Variants in RELN observed in about 807,000 individuals in gnomAD.
RELN encodes reelin.
A neutral mutation model predicts 427.6 loss-of-function variants in RELN; 108 were observed. The observed-to-expected ratio is 0.25, with a 90% confidence interval of 0.22 to 0.30. The LOEUF (loss-of-function observed/expected upper bound fraction) is 0.30, where lower values mean the gene tolerates loss of function less well. Ranked by LOEUF, RELN falls within the 10% of genes least tolerant of loss-of-function variation. RELN has a pLI of 1.00. For synonymous variants in RELN, 1,524 were observed against 1,513.4 expected, an observed-to-expected ratio of 1.01 and a Z score of -0.16; for missense variants, 3,715 against 4,302.8, an observed-to-expected ratio of 0.86 and a Z score of 3.82.
At chr7:103,520,973 T>TA (rs1455301256) in intron 48 of RELN, among the ~76,000 whole-genome samples, 1 of 132,726 alleles carries the variant, frequency 7.5e-6, no homozygotes, top group African/African-American at 2.8e-5. Context: ...TTTTTTTTTT[T>TA]TTTTTTTTTT....
At chr7:103,927,660 CT>C (rs1199408316) in intron 1 of RELN, among the ~76,000 whole-genome samples, 1 of 152,016 alleles carries the variant, frequency 6.6e-6, no homozygotes, top group Non-Finnish European at 1.5e-5. Context: ...AAATGCTGTA[CT>C]TTTTATTTTA....
chr7:103,517,413 C>G (rs1829594006), intron 49 of RELN, among the ~76,000 whole-genome samples: 1 of 152,118 alleles, frequency 6.6e-6, no homozygotes, highest in African/African-American at 2.4e-5. Flanking sequence ...TGGAAATTTA[C>G]CTAAGGCTAC....
chr7:103,518,770 AT>A (rs35224913), intron 49 of RELN, among the ~76,000 whole-genome samples: 25,372 of 151,212 alleles, frequency 0.17, 2,575 homozygotes, highest in East Asian at 0.51. Context: ...TGAATATGCT[AT>A]TTTCCTTCTT....
intron 50 of RELN, chr7:103,513,450 T>G (rs1485387730): frequency 6.6e-6 from 1 of 152,204 alleles, no homozygotes; most frequent in Non-Finnish European, 1.5e-5. Context: ...CTCACTTATG[T>G]AAACCATTAT....
chr7:103,743,465 G>A (rs564204306), intron 6 of RELN, among the ~76,000 whole-genome samples: 35 of 152,104 alleles, frequency 2.3e-4, no homozygotes, highest in Non-Finnish European at 4.6e-4. Context: ...GACACAGACT[G>A]GCAAATTGGA....
chr7:103,692,007 A>G (rs549839324), intron 10 of RELN, among the ~76,000 whole-genome samples: 178 of 152,260 alleles, frequency 1.2e-3, no homozygotes, highest in African/African-American at 4.2e-3. Flanking sequence ...CATGGCTAAC[A>G]AATGGTTAAG....
At chr7:103,539,401 T>G (rs1830127036) in intron 44 of RELN, 74 bp from the exon 45 acceptor site, 1 of 1,417,826 alleles carries the variant, frequency 7.1e-7, no homozygotes, top group African/African-American at 1.4e-5. Context: ...CTTTTTCGTT[T>G]GTTTGTTTGT....
intron 32 of RELN, 88 bp from the exon 33 acceptor site, chr7:103,566,500 T>C (rs1830755160): frequency 1.9e-6 from 3 of 1,593,778 alleles, no homozygotes; most frequent in Non-Finnish European, 2.6e-6. Flanking sequence ...AATCAAATTG[T>C]CTAGAAATTG....
At chr7:103,839,853 T>C (rs1793509356) in intron 2 of RELN, among the ~76,000 whole-genome samples, 1 of 152,218 alleles carries the variant, frequency 6.6e-6, no homozygotes, top group Non-Finnish European at 1.5e-5. Context: ...TTTGATACTA[T>C]GTCCCCACCC....
intron 13 of RELN, 45 bp from the exon 14 acceptor site, chr7:103,652,804 C>A (rs1236008614): frequency 6.4e-7 from 1 of 1,562,826 alleles, no homozygotes; most frequent in South Asian, 1.1e-5. Flanking sequence ...CCTTTCTAGG[C>A]TAGTCCATGT....
chr7:103,496,942 G>A (rs1828859557), intron 55 of RELN, among the ~76,000 whole-genome samples, 174 bp from the exon 56 acceptor site: 1 of 152,178 alleles, frequency 6.6e-6, no homozygotes, highest in African/African-American at 2.4e-5. Flanking sequence ...GTTTCTGTAT[G>A]AGGCTAATGA....
In RELN at chr7:103,826,320, ATGTGTGTG is replaced by A. The variant is rs71154374; in HGVS notation, c.473+7209_473+7216del. Among the ~76,000 whole-genome samples, 9 of 121,970 alleles carry A rather than the reference ATGTGTGTG, an allele frequency of 7.4e-5. 1 individual carries two copies. Among genetic ancestry groups the A allele is most frequent in the South Asian group, 4.7e-4 (2 of 4,292 alleles). The allele number at this position is 121,970 out of a possible 152,430, so 80.0% of individuals were successfully genotyped here. A position where few individuals can be genotyped will look rare whatever the true frequency, so the allele number is the denominator to read the frequency against. Reference sequence around the variant, plus strand: ...CAGAAGCACAAAACAGACTAAGACAATGTGTGTGTGTGTGTGTGTGTGTGTGTGTGTGT... The same window carrying A: ...CAGAAGCACAAAACAGACTAAGACAATGTGTGTGTGTGTGTGTGTGTGTGT... On this transcript the variant is annotated intron_variant, in intron 3 of 64. Coordinates refer to ENST00000428762, the MANE Select transcript of RELN (RefSeq NM_005045.4).
intron 8 of RELN, among the ~76,000 whole-genome samples, chr7:103,706,936 C>A (rs1834214862): frequency 6.6e-6 from 1 of 152,214 alleles, no homozygotes; most frequent in Admixed American, 6.5e-5. Flanking sequence ...TCTCCTTTCT[C>A]TGCCCTCATA....
At position 103,701,102 on chromosome 7, in the gene RELN, T is replaced by C; in HGVS notation, c.806-96A>G. 6.5e-6 allele frequency: 5 copies of C among 774,508 alleles called. No homozygotes were observed. The Admixed American group carries it at 9.9e-5, about 15-fold the overall frequency. 48.0% of individuals were successfully genotyped at this position (774,508 alleles called of 1,614,324 possible). On this transcript the variant is annotated intron_variant, in intron 8 of 64. Coordinates refer to ENST00000428762, the MANE Select transcript of RELN (RefSeq NM_005045.4). ...ATATTTTAGATAATTTTTAAACTAT[T>C]AGATATTTGTCTGGTAACTTCCCCA...
rs1010062697 is a variant in RELN at position 103,968,799 on chromosome 7, TAAC to T, written c.226+20329_226+20331del. ...TCAAATTTACCATTGACATTCTGCC[TAAC>T]AACAACAAAAACAATTACAGACAAA... On this transcript the variant is annotated intron_variant, in intron 1 of 64. Coordinates refer to ENST00000428762, the MANE Select transcript of RELN (RefSeq NM_005045.4). The surrounding 1 kb of genome is among the most constrained non-coding windows in gnomAD (Gnocchi z 4.3). Among the ~76,000 whole-genome samples, 13 of 152,166 alleles carry T rather than the reference TAAC, an allele frequency of 8.5e-5. No individual in the cohort carries two copies. Among genetic ancestry groups the T allele is most frequent in the African/African-American group, 2.2e-4 (9 of 41,448 alleles).
intron 2 of RELN, among the ~76,000 whole-genome samples, chr7:103,858,339 A>G (rs536302267): frequency 2.6e-5 from 4 of 152,298 alleles, no homozygotes; most frequent in African/African-American, 7.2e-5. Flanking sequence ...TTAGTATAGT[A>G]CCTGGCACAT....
At chr7:103,742,761 T>C (rs1263801250) in intron 6 of RELN, among the ~76,000 whole-genome samples, 3 of 152,196 alleles carry the variant, frequency 2.0e-5, no homozygotes, top group East Asian at 3.8e-4. Flanking sequence ...TATGGGACTA[T>C]GTGAAAAGAC....
At chr7:103,561,297 A>G (rs1830635845) in intron 36 of RELN, among the ~76,000 whole-genome samples, 1 of 152,240 alleles carries the variant, frequency 6.6e-6, no homozygotes. Flanking sequence ...ATATAATTCC[A>G]GCAGGAAGTA....
intron 20 of RELN, among the ~76,000 whole-genome samples, chr7:103,617,044 T>A (rs1277803573): frequency 6.6e-6 from 1 of 152,222 alleles, no homozygotes; most frequent in Admixed American, 6.5e-5. Flanking sequence ...GAGGTGCCAC[T>A]GCTTACTACT....
Sources: gnomAD v4.1 joint callset for allele counts (sites outside exome capture counted in the v4.1 genomes callset) on GRCh38, gnomAD v4.1.1 for gene constraint, Gnocchi (gnomAD v3.1) non-coding constraint, MANE v1.5 for transcripts, NCBI Gene and HGNC (gene_info 2026-07-23, HGNC 2026-07-21) for gene names.